The following PLOD1 variants were observed in gnomAD, a reference collection of about 807,000 sequenced individuals.
PLOD1 encodes procollagen-lysine,2-oxoglutarate 5-dioxygenase 1.
In PLOD1, 70 loss-of-function variants were observed where a neutral mutation model predicts 94.7. The observed-to-expected ratio is 0.74, with a 90% CI of 0.61 to 0.90. The LOEUF is 0.90. Ranked by LOEUF, PLOD1 falls within the 40% of genes least tolerant of loss-of-function variation. The pLI is 0.00. For missense variants in PLOD1, 905 were observed against 972.7 expected, an observed-to-expected ratio of 0.93 and a Z score of 0.93; for synonymous variants, 417 against 400.2, an observed-to-expected ratio of 1.04 and a Z score of -0.50.
In PLOD1 at chr1:11,954,952, G is replaced by T. The variant is rs1254513031; in HGVS notation, c.643+59G>T. On this transcript the variant is annotated intron_variant, in intron 6 of 18. Transcript: ENST00000196061. ...AGAGGGGTGATAGGAAGAATTCCAG[G>T]CAGGGCCCGAGCCCAGGGAGGAGAA... 6.0e-6 allele frequency: 8 copies of T among 1,339,180 alleles called. 1 individual carries two copies. The Admixed American group carries it at 1.2e-4, about 20-fold the overall frequency. The allele number at this position is 1,339,180 out of a possible 1,614,324, so 83.0% of individuals were successfully genotyped here. A position where few individuals can be genotyped will look rare whatever the true frequency, so the allele number is the denominator to read the frequency against.
intron 1 of PLOD1, among the ~76,000 whole-genome samples, chr1:11,936,549 G>A (rs764478005): frequency 1.3e-5 from 2 of 151,886 alleles, no homozygotes; most frequent in Non-Finnish European, 2.9e-5. Context: ...TTGAGACAGT[G>A]TTTCACTGTG....
intron 16 of PLOD1, 87 bp downstream of exon 16, chr1:11,967,178 G>A: frequency 3.4e-6 from 3 of 870,038 alleles, no homozygotes. Context: ...TGGCAAGCTG[G>A]CCTGGCCACC....
At position 11,961,488 on chromosome 1, in the gene PLOD1, TA is replaced by T. The variant is rs200900030; in HGVS notation, c.1097+724del. Among the ~76,000 whole-genome samples, 23 of 152,362 alleles carry T rather than the reference TA, an allele frequency of 1.5e-4. No homozygotes were observed. The East Asian group carries it at 3.1e-3, about 20-fold the overall frequency. Reference sequence around the variant, plus strand: ...AAACTTCCTGCTAAGGATTAGATCATAAATCTTTGCAAATTGGCTCTGCCGG... The same window carrying T: ...AAACTTCCTGCTAAGGATTAGATCATAATCTTTGCAAATTGGCTCTGCCGG... On this transcript the variant is annotated intron_variant, in intron 10 of 18. Transcript: ENST00000196061.
chr1:11,937,269 C>G (rs1569660652), intron 1 of PLOD1, among the ~76,000 whole-genome samples: 1 of 152,202 alleles, frequency 6.6e-6, no homozygotes, highest in Non-Finnish European at 1.5e-5. Context: ...CCTGCAAGAC[C>G]CGGTGATACT....
rs369557908 is a variant in PLOD1 at position 11,963,064 on chromosome 1, TAAAA to T, written c.1098-463_1098-460del. Among the ~76,000 whole-genome samples, 1 of 150,962 alleles carries T rather than the reference TAAAA, an allele frequency of 6.6e-6. No individual in the cohort carries two copies. Among genetic ancestry groups the T allele is most frequent in the African/African-American group, 2.4e-5 (1 of 41,054 alleles). ...TCAAAAAAATAAAATAAAATAAAAATAAAAAAAAGAAAAACATAAAGCTGTTCTT... is the reference window on the plus strand; with the variant it reads ...TCAAAAAAATAAAATAAAATAAAAATAAAAGAAAAACATAAAGCTGTTCTT... On this transcript the variant is annotated intron_variant, in intron 10 of 18. Transcript: ENST00000196061. The surrounding 1 kb of genome is among the most constrained non-coding windows in gnomAD (Gnocchi z 4.3).
Position 11,975,122 on chromosome 1 carries a change from T to G in PLOD1, c.*314T>G. The G allele has an allele frequency of 2.3e-6, 1 of 431,130 alleles. No individual in the cohort carries two copies. Among genetic ancestry groups the G allele is most frequent in the Non-Finnish European group, 4.3e-6 (1 of 231,398 alleles). The allele number at this position is 431,130 out of a possible 1,614,324, so 26.7% of individuals were successfully genotyped here. Reference sequence around the variant, plus strand: ...AACCAAGGCCCCCTTCCCCCACCTCTTCCATGGGGTGAGACTTGAGCAGAA... The same window carrying G: ...AACCAAGGCCCCCTTCCCCCACCTCGTCCATGGGGTGAGACTTGAGCAGAA... On this transcript the variant is annotated 3_prime_UTR_variant, in exon 19 of 19. Transcript: ENST00000196061.
intron 6 of PLOD1, among the ~76,000 whole-genome samples, chr1:11,956,029 T>G (rs990275733): frequency 6.6e-6 from 1 of 151,838 alleles, no homozygotes; most frequent in South Asian, 2.1e-4. Context: ...CCCAAAGTGC[T>G]GGGATTACAG....
chr1:11,972,698 C>A lies in PLOD1; in HGVS notation c.1903-174C>A. 1.9e-6 allele frequency: 1 copy of A among 535,158 alleles called. No homozygotes were observed. The highest frequency in any genetic ancestry group is 3.5e-6 in the Non-Finnish European group (1 of 284,266). The allele number at this position is 535,158 out of a possible 1,614,324, so 33.2% of individuals were successfully genotyped here. A position where few individuals can be genotyped will look rare whatever the true frequency, so the allele number is the denominator to read the frequency against. ...TCTGTCCATACATTTTTGTTGAGAA[C>A]CTTTTCTGTGCCAGGTAGTTGCAGG... On this transcript the variant is annotated intron_variant, in intron 17 of 18. Transcript: ENST00000196061. The surrounding 1 kb of genome is among the most constrained non-coding windows in gnomAD (Gnocchi z 4.6).
intron 9 of PLOD1, among the ~76,000 whole-genome samples, chr1:11,960,126 C>G (rs1645767734): frequency 6.6e-6 from 1 of 152,120 alleles, no homozygotes; most frequent in African/African-American, 2.4e-5. Context: ...TGCCTGCCAC[C>G]ATGCCCGGCT....
chr1:11,975,219 A>T lies in PLOD1; in HGVS notation c.*411A>T, dbSNP rs1645895878. On this transcript the variant is annotated 3_prime_UTR_variant, in exon 19 of 19. Transcript: ENST00000196061. ...CATGGCCAGAGCTTCTCCCAGGCAC[A>T]GGTGTTGCACCAGGGACTTCTGCTT... The T allele has an allele frequency of 6.5e-6, 2 of 307,078 alleles. No homozygotes were observed. Among genetic ancestry groups the T allele is most frequent in the South Asian group, 6.2e-5 (2 of 32,436 alleles). 19.0% of individuals were successfully genotyped at this position (307,078 alleles called of 1,614,324 possible).
Position 11,939,551 on chromosome 1 carries a change from G to A in PLOD1, c.76+4696G>A, listed in dbSNP as rs377487624. Reference sequence around the variant, plus strand: ...GTGCCCAGAGGTCCCATTCTTCCAGGAGCTCATCACATACGCACACCCCAA... The same window carrying A: ...GTGCCCAGAGGTCCCATTCTTCCAGAAGCTCATCACATACGCACACCCCAA... On this transcript the variant is annotated intron_variant, in intron 1 of 18. Transcript: ENST00000196061. Among the ~76,000 whole-genome samples, 69 of 152,188 alleles carry A rather than the reference G, an allele frequency of 4.5e-4. No individual in the cohort carries two copies. The South Asian group carries it at 0.013, about 29-fold the overall frequency.
In PLOD1 at chr1:11,937,744, C is replaced by T. The variant is rs1208985; in HGVS notation, c.76+2889C>T. ...CCTTCACAGAGGGTGCTGCTATGGG[C>T]GGAGGACAGGATCAGTGTGCTACTG... On this transcript the variant is annotated intron_variant, in intron 1 of 18. Transcript: ENST00000196061. Among the ~76,000 whole-genome samples, 373 of 152,084 alleles carry T rather than the reference C, an allele frequency of 2.5e-3. 2 individuals are homozygous for T. The highest frequency in any genetic ancestry group is 6.8e-3 in the Middle Eastern group (2 of 294).
At chr1:11,959,649 G>A (rs1187197503) in intron 9 of PLOD1, among the ~76,000 whole-genome samples, 2 of 143,218 alleles carry the variant, frequency 1.4e-5, no homozygotes, top group African/African-American at 2.7e-5. Context: ...ACGGAGTCTT[G>A]CTCTGTTGCC....
intron 5 of PLOD1, chr1:11,954,200 T>TATCATTAAAAAA: frequency 7.6e-6 from 1 of 132,268 alleles, no homozygotes; most frequent in South Asian, 1.7e-4. Context: ...CCAGGTGCGG[T>TATCATTAAAAAA]GGCTCACACC....
rs753155562 is a variant in PLOD1, at chr1:11,970,729, G to A, written c.1815G>A (p.Gln605=). The change falls in exon 17 of 19, where the codon CAG becomes CAA. Residue 605 remains glutamine (Q), a synonymous_variant. Transcript: ENST00000196061. ...NVPTIDIHMN[Q]IGFEREWHKF... is the part of the protein sequence containing the mutation. ...CGACTATTGACATCCACATGAACCA[G>A]ATCGGCTTTGAGCGGGAGTGGCACA... 2.5e-6 allele frequency: 4 copies of A among 1,612,852 alleles called. No individual in the cohort carries two copies. The East Asian group carries it at 8.9e-5, about 36-fold the overall frequency.
At chr1:11,952,136 G>C (rs934087117) in intron 4 of PLOD1, among the ~76,000 whole-genome samples, 26 of 152,346 alleles carry the variant, frequency 1.7e-4, no homozygotes, top group African/African-American at 6.3e-4. Flanking sequence ...TTGCTCTTGT[G>C]GTTGCTTGTC....
intron 1 of PLOD1, among the ~76,000 whole-genome samples, chr1:11,945,671 C>A (rs1645648249): frequency 6.6e-6 from 1 of 152,150 alleles, no homozygotes; most frequent in African/African-American, 2.4e-5. Flanking sequence ...ATTTGCTTCT[C>A]ATTAATCAGC....
At position 11,944,422 on chromosome 1, in the gene PLOD1, T is replaced by TACAC. The variant is rs5772479; in HGVS notation, c.77-3525_77-3522dup. The TACAC allele has an allele frequency of 7.4e-3, 3,523 of 476,194 alleles. 18 individuals carry two copies. Among genetic ancestry groups the TACAC allele is most frequent in the East Asian group, 0.056 (613 of 10,914 alleles). 29.5% of individuals were successfully genotyped at this position (476,194 alleles called of 1,614,324 possible). A position where few individuals can be genotyped will look rare whatever the true frequency, so the allele number is the denominator to read the frequency against. On this transcript the variant is annotated intron_variant, in intron 1 of 18. Transcript: ENST00000196061. ...GAATCCTGAATTGCGCATGCACGCG[T>TACAC]ACACACACACACACACACACACACA...
At chr1:11,964,355 TG>T in intron 12 of PLOD1, 55 bp downstream of exon 12, 1 of 1,543,802 alleles carries the variant, frequency 6.5e-7, no homozygotes, top group Non-Finnish European at 8.9e-7. Flanking sequence ...GGCTTCTGCC[TG>T]GGCTTGTGGG....
Sources: allele counts gnomAD v4.1 joint callset (sites outside exome capture counted in the v4.1 genomes callset), GRCh38; gene constraint gnomAD v4.1.1; non-coding constraint Gnocchi (gnomAD v3.1); transcripts MANE v1.5; gene names NCBI Gene and HGNC (gene_info 2026-07-23, HGNC 2026-07-21).